The following RBFOX1 variants were observed in gnomAD, a reference collection of about 807,000 sequenced individuals.
The protein encoded by RBFOX1 is RNA binding protein fox-1 homolog 1.
RBFOX1 carries 8 observed loss-of-function variants against 57.7 expected under a neutral mutation model. The observed-to-expected ratio is 0.14, with a 90% confidence interval of 0.08 to 0.25. RBFOX1 has a LOEUF of 0.25. Ranked by LOEUF, RBFOX1 falls within the 10% of genes least tolerant of loss-of-function variation. The pLI, the probability that RBFOX1 is intolerant of heterozygous loss-of-function variation, is 1.00. For synonymous variants in RBFOX1, 326 were observed against 222.4 expected, an observed-to-expected ratio of 1.47 and a Z score of -4.15; for missense variants, 611 against 548.5, an observed-to-expected ratio of 1.11 and a Z score of -1.14.
intron 5 of RBFOX1, among the ~76,000 whole-genome samples, chr16:7,529,632 C>T (rs558005535): frequency 6.6e-6 from 1 of 152,162 alleles, no homozygotes; most frequent in East Asian, 1.9e-4. Context: ...CTCCTGTTCA[C>T]TACTATTTTA....
intron 14 of RBFOX1, among the ~76,000 whole-genome samples, chr16:7,704,507 A>G (rs554325614): frequency 6.6e-6 from 1 of 152,258 alleles, no homozygotes; most frequent in South Asian, 2.1e-4. Context: ...GATCATAATT[A>G]CAGGCATGAG....
intron 4 of RBFOX1, among the ~76,000 whole-genome samples, chr16:7,181,582 G>A (rs1350234719): frequency 3.4e-5 from 5 of 147,704 alleles, no homozygotes; most frequent in African/African-American, 7.5e-5. Context: ...TCTCTTTCTC[G>A]CTTGCTTGCT....
chr16:6,733,691 G>A lies in RBFOX1; in HGVS notation c.-16+79041G>A, dbSNP rs1453258692. ...GCAGGTCGCATGAGCCCAGAAGGTTGAGGCTGCAGTGAACTGAGATCACAC... is the reference window on the plus strand; with the variant it reads ...GCAGGTCGCATGAGCCCAGAAGGTTAAGGCTGCAGTGAACTGAGATCACAC... On this transcript the variant is annotated intron_variant, in intron 3 of 15. Coordinates refer to ENST00000550418, the MANE Select transcript of RBFOX1 (RefSeq NM_018723.4). 2.0e-5 allele frequency among the ~76,000 whole-genome samples: 3 copies of A among 152,146 alleles called. 1 individual carries two copies. Among genetic ancestry groups the A allele is most frequent in the Non-Finnish European group, 2.9e-5 (2 of 68,030 alleles).
intron 4 of RBFOX1, among the ~76,000 whole-genome samples, chr16:7,201,197 G>C (rs1422206048): frequency 6.6e-6 from 1 of 152,158 alleles, no homozygotes; most frequent in Admixed American, 6.5e-5. Context: ...ACAAAGTCTG[G>C]TATATGCACC....
intron 4 of RBFOX1, among the ~76,000 whole-genome samples, chr16:7,446,798 A>ATTTTTTTTTTTTTTTT (rs34580591): frequency 2.0e-5 from 1 of 48,970 alleles, no homozygotes; most frequent in Non-Finnish European, 3.5e-5. Flanking sequence ...AGGTCTAGGT[A>ATTTTTTTTTTTTTTTT]TTTTTTTTTT....
At chr16:6,602,750 T>G (rs1194207006) in intron 2 of RBFOX1, among the ~76,000 whole-genome samples, 1 of 152,052 alleles carries the variant, frequency 6.6e-6, no homozygotes, top group Non-Finnish European at 1.5e-5. Flanking sequence ...ACTTGCTGCT[T>G]TATCCCTTCT....
intron 3 of RBFOX1, among the ~76,000 whole-genome samples, chr16:6,745,768 G>A (rs7188948): frequency 0.055 from 8,355 of 152,148 alleles, 362 homozygotes; most frequent in South Asian, 0.21. Flanking sequence ...CTTCCCTTTC[G>A]CAGTATTTTA....
chr16:5,533,357 T>C lies in RBFOX1; in HGVS notation c.259-65545T>C, dbSNP rs1013612724. Among the ~76,000 whole-genome samples the C allele has an allele frequency of 5.9e-5, 9 of 152,148 alleles. 1 individual carries two copies. The East Asian group carries it at 1.7e-3, about 29-fold the overall frequency. On this transcript the variant is annotated intron_variant, in intron 2 of 2. Coordinates refer to the RBFOX1 transcript ENST00000585867. ...ATTTCAAAAGGAAAGGTGCCCCCAA[T>C]AAATATTCCTGACGGCAGAGATAAG...
intron 1 of RBFOX1, among the ~76,000 whole-genome samples, chr16:6,225,575 G>A (rs1006837601): frequency 1.3e-5 from 2 of 152,164 alleles, no homozygotes; most frequent in African/African-American, 4.8e-5. Flanking sequence ...TGCAAATGAG[G>A]ATAGTGAAAT....
chr16:7,437,457 T>A (rs2098732179), intron 4 of RBFOX1, among the ~76,000 whole-genome samples: 1 of 152,140 alleles, frequency 6.6e-6, no homozygotes. Context: ...TGGCGCGTTA[T>A]TAATGTTAAA....
chr16:6,505,842 C>G (rs1311401488), intron 2 of RBFOX1, among the ~76,000 whole-genome samples: 1 of 152,182 alleles, frequency 6.6e-6, no homozygotes, highest in African/African-American at 2.4e-5. Flanking sequence ...CCAGGTCCTA[C>G]TCAGTGTTGG....
intron 4 of RBFOX1, among the ~76,000 whole-genome samples, chr16:7,485,865 A>T (rs189860735): frequency 6.6e-6 from 1 of 152,332 alleles, no homozygotes; most frequent in Non-Finnish European, 1.5e-5. Flanking sequence ...CTGCAGGCCC[A>T]TCACCTATTT....
In RBFOX1 at chr16:6,089,941, A is replaced by T. The variant is rs1182012239; in HGVS notation, c.-127+69949A>T. 3.3e-5 allele frequency: 5 copies of T among 152,152 alleles called. No homozygotes were observed. In the East Asian group the frequency reaches 9.6e-4, roughly 29 times the overall value. 9.4% of individuals were successfully genotyped at this position (152,152 alleles called of 1,614,324 possible). On this transcript the variant is annotated intron_variant, in intron 1 of 15. Transcript: ENST00000550418. The stretch of plus-strand genomic sequence containing the variant: ...TTCTTAGTGGCTTGAAAGAATATGG[A>T]TTTAGTATCTTACAGTTCTGGAGGT...
chr16:5,882,464 G>A (rs887950275), intron 4 of RBFOX1, among the ~76,000 whole-genome samples: 1 of 152,162 alleles, frequency 6.6e-6, no homozygotes, highest in South Asian at 2.1e-4. Context: ...TAAACTGCAA[G>A]GGTGCCTGGG....
chr16:6,923,367 C>G lies in RBFOX1; in HGVS notation c.-15-128690C>G, dbSNP rs147136607. ...TGGCCAACATGGTGAAACCCCATCT[C>G]TACTAACAATACACAAATTAGCAGG... On this transcript the variant is annotated intron_variant, in intron 3 of 15. Transcript: ENST00000550418. Among the ~76,000 whole-genome samples the G allele has an allele frequency of 1.6e-4, 24 of 152,220 alleles. No individual in the cohort carries two copies. In the East Asian group the frequency reaches 4.3e-3, roughly 27 times the overall value.
chr16:7,108,316 A>G (rs923674106), intron 4 of RBFOX1, among the ~76,000 whole-genome samples: 16 of 148,218 alleles, frequency 1.1e-4, no homozygotes, highest in African/African-American at 3.7e-4. Context: ...ACAAACAAGA[A>G]CTTCTTTCTA....
chr16:6,655,290 C>G (rs766791002), intron 3 of RBFOX1, among the ~76,000 whole-genome samples: 8 of 140,080 alleles, frequency 5.7e-5, no homozygotes, highest in Non-Finnish European at 9.1e-5. Context: ...AGGAGAATCA[C>G]TTGATCCTTG....
intron 1 of RBFOX1, among the ~76,000 whole-genome samples, chr16:5,341,226 GAGA>G (rs1180245595): frequency 6.6e-6 from 1 of 152,174 alleles, no homozygotes; most frequent in African/African-American, 2.4e-5. Context: ...AGCTCATGGT[GAGA>G]AGTTCAGATT....
intron 4 of RBFOX1, among the ~76,000 whole-genome samples, chr16:7,137,889 ATTGTT>A (rs1826792128): frequency 6.6e-6 from 1 of 152,196 alleles, no homozygotes; most frequent in African/African-American, 2.4e-5. Context: ...TTTGCCAGAT[ATTGTT>A]TTAACTTTTT....
Sources: gnomAD v4.1 joint callset for allele counts (sites outside exome capture counted in the v4.1 genomes callset) on GRCh38, gnomAD v4.1.1 for gene constraint, MANE v1.5 for transcripts, NCBI Gene and HGNC (gene_info 2026-07-23, HGNC 2026-07-21) for gene names.